The following SMAP1 variants were observed in gnomAD, a reference collection of about 807,000 sequenced individuals.
The protein encoded by SMAP1 is small ArfGAP 1, also known as stromal membrane-associated protein 1.
Under a neutral mutation model 58.5 loss-of-function variants are expected in SMAP1, and 24 were observed. The ratio of observed to expected loss-of-function variants is 0.41; its 90% confidence interval spans 0.30 to 0.58. SMAP1 has a LOEUF of 0.58. Ranked by LOEUF, SMAP1 falls within the 20% of genes least tolerant of loss-of-function variation. The pLI is 0.29. For missense variants in SMAP1, 563 were observed against 566.3 expected (o/e 0.99, Z 0.06); for synonymous variants, 216 against 196.6 (o/e 1.10, Z -0.82).
At chr6:70,803,003 G>C (rs1768933822) in intron 6 of SMAP1, among the ~76,000 whole-genome samples, 1 of 152,160 alleles carries the variant, frequency 6.6e-6, no homozygotes, top group Admixed American at 6.6e-5. Flanking sequence ...TTTAGTATCA[G>C]GATGATTCTG....
intron 6 of SMAP1, among the ~76,000 whole-genome samples, chr6:70,828,526 A>T (rs1449247081): frequency 6.6e-6 from 1 of 152,060 alleles, no homozygotes; most frequent in Non-Finnish European, 1.5e-5. Flanking sequence ...TGGTGGTCAG[A>T]TTTTTCTTCC....
intron 1 of SMAP1, among the ~76,000 whole-genome samples, chr6:70,708,367 C>T (rs1380478654): frequency 1.3e-5 from 2 of 152,030 alleles, no homozygotes; most frequent in Admixed American, 6.6e-5. Flanking sequence ...TTCATTCATC[C>T]GTTGATGGAC....
At chr6:70,768,635 C>G (rs1247403262) in intron 3 of SMAP1, among the ~76,000 whole-genome samples, 2 of 152,192 alleles carry the variant, frequency 1.3e-5, no homozygotes, top group African/African-American at 2.4e-5. Context: ...TTTGATTCTT[C>G]TCTCTTTTCT....
chr6:70,699,209 A>C (rs1767528894), intron 1 of SMAP1, among the ~76,000 whole-genome samples: 1 of 152,198 alleles, frequency 6.6e-6, no homozygotes, highest in Non-Finnish European at 1.5e-5. Flanking sequence ...CTGGATTACC[A>C]GGCAGAGACT....
chr6:70,782,786 C>A (rs1767816846), intron 4 of SMAP1, among the ~76,000 whole-genome samples: 1 of 152,212 alleles, frequency 6.6e-6, no homozygotes, highest in Non-Finnish European at 1.5e-5. Flanking sequence ...GAGAGGCCAA[C>A]AACCTCCACT....
intron 4 of SMAP1, among the ~76,000 whole-genome samples, chr6:70,785,857 G>A (rs1404610722): frequency 1.3e-5 from 2 of 152,058 alleles, no homozygotes; most frequent in African/African-American, 2.4e-5. Context: ...ATTCACAGCC[G>A]AATTCTACCA....
intron 4 of SMAP1, among the ~76,000 whole-genome samples, chr6:70,779,457 C>T (rs997694011): frequency 2.0e-5 from 3 of 152,136 alleles, no homozygotes; most frequent in African/African-American, 7.2e-5. Context: ...GTTGCGTGGA[C>T]TCCAGGCAGC....
chr6:70,723,058 T>A (rs989694866), intron 1 of SMAP1, among the ~76,000 whole-genome samples: 2 of 152,226 alleles, frequency 1.3e-5, no homozygotes, highest in African/African-American at 4.8e-5. Context: ...CTGAGTAAAC[T>A]TTTATTATAT....
intron 4 of SMAP1, among the ~76,000 whole-genome samples, chr6:70,779,003 A>G (rs1178313890): frequency 2.0e-5 from 3 of 152,128 alleles, no homozygotes; most frequent in Non-Finnish European, 4.4e-5. Flanking sequence ...ATGTGCAGGC[A>G]TTTGCATTGG....
At chr6:70,752,018 T>C (rs1766299281) in intron 2 of SMAP1, among the ~76,000 whole-genome samples, 1 of 152,172 alleles carries the variant, frequency 6.6e-6, no homozygotes, top group African/African-American at 2.4e-5. Context: ...AAAGGAATAA[T>C]GTTTTAACAA....
chr6:70,715,028 CCTCT>C (rs1288458973), intron 1 of SMAP1, among the ~76,000 whole-genome samples: 4 of 151,538 alleles, frequency 2.6e-5, no homozygotes, highest in African/African-American at 4.8e-5. Flanking sequence ...CTTTCAAAAT[CCTCT>C]CTGTCTTTAA....
rs774837092 is a variant in SMAP1 at position 70,810,938 on chromosome 6, ACT to A, written c.576+12204_576+12205del. ...TTTACCTTCCACTGAGCACAGTAAG[ACT>A]CTACTTAAAGTTTATCTCTCTTTGG... is the stretch of plus-strand genomic sequence containing the variant. On this transcript the variant is annotated intron_variant, in intron 6 of 10. Transcript: ENST00000370455. 3.2e-4 allele frequency among the ~76,000 whole-genome samples: 48 copies of A among 152,184 alleles called. 1 individual carries two copies. Among genetic ancestry groups the A allele is most frequent in the Admixed American group, 9.2e-4 (14 of 15,270 alleles).
chr6:70,680,102 T>TCAACAA (rs140699249), intron 1 of SMAP1, among the ~76,000 whole-genome samples: 41,603 of 150,288 alleles, frequency 0.28, 6,264 homozygotes, highest in Non-Finnish European at 0.34. Context: ...GATAGTCTTT[T>TCAACAA]CAACAACAAC....
At chr6:70,837,689 T>C in intron 7 of SMAP1, 1 of 709,906 alleles carries the variant, frequency 1.4e-6, no homozygotes, top group Non-Finnish European at 1.8e-6. Flanking sequence ...TTTACATTTT[T>C]TTCTTCTAAA....
intron 6 of SMAP1, among the ~76,000 whole-genome samples, chr6:70,814,663 C>A (rs1769538984): frequency 6.6e-6 from 1 of 152,092 alleles, no homozygotes; most frequent in Admixed American, 6.6e-5. Context: ...CCTCTTTTTA[C>A]TGTATAAAGC....
At chr6:70,697,735 C>G (rs1200118305) in intron 1 of SMAP1, among the ~76,000 whole-genome samples, 1 of 152,028 alleles carries the variant, frequency 6.6e-6, no homozygotes, top group South Asian at 2.1e-4. Context: ...TAACGTAATC[C>G]ATTATTTTAA....
intron 1 of SMAP1, among the ~76,000 whole-genome samples, chr6:70,721,230 C>A (rs933896032): frequency 6.6e-6 from 1 of 152,180 alleles, no homozygotes; most frequent in African/African-American, 2.4e-5. Context: ...CAACCCAAAT[C>A]ACCTCTTGAA....
intron 1 of SMAP1, among the ~76,000 whole-genome samples, chr6:70,711,297 A>G (rs935399353): frequency 2.0e-5 from 3 of 152,182 alleles, no homozygotes; most frequent in African/African-American, 7.2e-5. Context: ...CAATAATTAC[A>G]ATGTCTCTAG....
intron 1 of SMAP1, among the ~76,000 whole-genome samples, chr6:70,679,808 C>A (rs773420589): frequency 6.6e-6 from 1 of 152,170 alleles, no homozygotes; most frequent in South Asian, 2.1e-4. Context: ...TCAGTTCTCT[C>A]CAAATTAGTC....
Sources: gnomAD v4.1 joint callset for allele counts (sites outside exome capture counted in the v4.1 genomes callset) on GRCh38, gnomAD v4.1.1 for gene constraint, MANE v1.5 for transcripts, NCBI Gene and HGNC (gene_info 2026-07-23, HGNC 2026-07-21) for gene names.